The following FOXP1 variants were observed in gnomAD, a reference collection of about 807,000 sequenced individuals.
The protein encoded by FOXP1 is forkhead box P1, also known as forkhead box protein P1.
In FOXP1, 15 loss-of-function variants were observed where a neutral mutation model predicts 98.2. The ratio of observed to expected loss-of-function variants is 0.15; its 90% CI spans 0.10 to 0.24. The LOEUF is 0.24. FOXP1 is among the 10% of genes least tolerant of loss of function. The pLI is 1.00. For missense variants in FOXP1, 633 were observed against 848.5 expected (o/e 0.75, Z 3.15); for synonymous variants, 371 against 314.5 (o/e 1.18, Z -1.90).
chr3:71,253,406 A>C (rs1157119996), intron 5 of FOXP1, among the ~76,000 whole-genome samples: 2 of 151,630 alleles, frequency 1.3e-5, no homozygotes, highest in African/African-American at 4.9e-5. Flanking sequence ...AGACGTGTTT[A>C]ACTTTAGTGA....
intron 6 of FOXP1, among the ~76,000 whole-genome samples, chr3:71,167,876 A>C (rs1449066802): frequency 6.6e-6 from 1 of 152,192 alleles, no homozygotes; most frequent in Non-Finnish European, 1.5e-5. Flanking sequence ...AAAATTACTT[A>C]CTTGTAGAGC....
intron 1 of FOXP1, chr3:71,582,269 G>T (rs1477479337): frequency 2.0e-6 from 2 of 984,424 alleles, no homozygotes; most frequent in Non-Finnish European, 2.4e-6. Flanking sequence ...GTTTCCGAGC[G>T]CGACGTTGTC....
rs191639766 is a variant in FOXP1 at position 71,046,813 on chromosome 3, C to A, written c.664+129G>T. On this transcript the variant is annotated intron_variant, in intron 10 of 20. Transcript: ENST00000649528. ...ACATGGGTCCATCATTATCCCACTCCACTTTTCTTAAAAGAATCTATGTGC... is the reference window on the plus strand; with the variant it reads ...ACATGGGTCCATCATTATCCCACTCAACTTTTCTTAAAAGAATCTATGTGC... The A allele has an allele frequency of 1.9e-5, 21 of 1,127,872 alleles. No individual in the cohort carries two copies. In the East Asian group the frequency reaches 4.7e-4, roughly 25 times the overall value. 69.9% of individuals were successfully genotyped at this position (1,127,872 alleles called of 1,614,324 possible).
intron 6 of FOXP1, among the ~76,000 whole-genome samples, chr3:71,179,399 C>T (rs1178197999): frequency 6.6e-6 from 1 of 152,064 alleles, no homozygotes; most frequent in African/African-American, 2.4e-5. Context: ...TGAGCCACTA[C>T]ACAAGTCTTA....
At chr3:71,500,061 G>A (rs568263573) in intron 2 of FOXP1, among the ~76,000 whole-genome samples, 1 of 152,302 alleles carries the variant, frequency 6.6e-6, no homozygotes, top group South Asian at 2.1e-4. Flanking sequence ...AACCTCCATG[G>A]TTTGGGCAAG....
At chr3:71,029,231 G>A (rs2046532840) in intron 11 of FOXP1, among the ~76,000 whole-genome samples, 1 of 152,060 alleles carries the variant, frequency 6.6e-6, no homozygotes, top group African/African-American at 2.4e-5. Flanking sequence ...TGAAATTTAG[G>A]GCCTACTATA....
chr3:71,070,645 C>T (rs1030980074), intron 7 of FOXP1, among the ~76,000 whole-genome samples: 1 of 152,188 alleles, frequency 6.6e-6, no homozygotes, highest in Admixed American at 6.5e-5. Context: ...TCCCCTGCTA[C>T]GGGAACCCTC....
At chr3:71,150,936 T>C (rs147093036) in intron 6 of FOXP1, among the ~76,000 whole-genome samples, 2,840 of 152,258 alleles carry the variant, frequency 0.019, 103 homozygotes, top group African/African-American at 0.065. Context: ...ACTTCCTAGA[T>C]TGTAAGATAT....
At chr3:71,262,922 A>G (rs983074683) in intron 5 of FOXP1, among the ~76,000 whole-genome samples, 2 of 152,164 alleles carry the variant, frequency 1.3e-5, no homozygotes, top group African/African-American at 4.8e-5. Context: ...TGTGGGACTG[A>G]GTCTTCGGGT....
At chr3:71,211,184 C>T (rs2064430983) in intron 5 of FOXP1, among the ~76,000 whole-genome samples, 1 of 151,986 alleles carries the variant, frequency 6.6e-6, no homozygotes, top group Non-Finnish European at 1.5e-5. Context: ...TTACACTTGC[C>T]CTAACCCACA....
chr3:71,009,155 C>CGGGGGGGGGGGGGGGGGGGGGGGGG (rs10546380), intron 12 of FOXP1, among the ~76,000 whole-genome samples: 1 of 20,764 alleles, frequency 4.8e-5, no homozygotes, highest in African/African-American at 1.2e-4. Context: ...ATCATGGGGG[C>CGGGGGGGGGGGGGGGGGGGGGGGGG]GGGGGGGGGG....
chr3:71,519,290 C>T (rs1254666656), intron 2 of FOXP1, among the ~76,000 whole-genome samples: 3 of 152,148 alleles, frequency 2.0e-5, no homozygotes, highest in Non-Finnish European at 4.4e-5. Flanking sequence ...TGTGAGCAGG[C>T]AATTGCGTGA....
At chr3:71,044,158 TA>T (rs1294514915) in intron 10 of FOXP1, among the ~76,000 whole-genome samples, 3 of 152,160 alleles carry the variant, frequency 2.0e-5, no homozygotes, top group Non-Finnish European at 4.4e-5. Flanking sequence ...GATCTCATGT[TA>T]GACAGATAAA....
intron 19 of FOXP1, chr3:70,968,771 C>G (rs1406955494): frequency 1.3e-5 from 2 of 151,990 alleles, no homozygotes; most frequent in East Asian, 3.9e-4. Flanking sequence ...TTTTACTTGT[C>G]TTGAAAAATG....
At chr3:71,339,466 G>A (rs897927142) in intron 4 of FOXP1, among the ~76,000 whole-genome samples, 1 of 152,160 alleles carries the variant, frequency 6.6e-6, no homozygotes, top group Non-Finnish European at 1.5e-5. Context: ...GCTCCTGGAG[G>A]AGTCTCCTCT....
intron 2 of FOXP1, chr3:71,574,257 AG>A (rs1052588744): frequency 6.6e-6 from 1 of 152,242 alleles, no homozygotes; most frequent in African/African-American, 2.4e-5. Context: ...ATTAAAATAA[AG>A]CCACACCTAA....
At chr3:71,570,891 G>A (rs1462166511) in intron 2 of FOXP1, 1 of 152,220 alleles carries the variant, frequency 6.6e-6, no homozygotes, top group African/African-American at 2.4e-5. Context: ...GGCTGTGGCA[G>A]GGAAATGGCA....
intron 3 of FOXP1, among the ~76,000 whole-genome samples, chr3:71,403,187 T>C (rs1356179833): frequency 6.6e-6 from 1 of 152,230 alleles, no homozygotes; most frequent in Non-Finnish European, 1.5e-5. Context: ...AGTCACAAAA[T>C]CCTCATGTGT....
chr3:71,499,710 T>C (rs1051820228), intron 2 of FOXP1, among the ~76,000 whole-genome samples: 1 of 152,302 alleles, frequency 6.6e-6, no homozygotes, highest in East Asian at 1.9e-4. Flanking sequence ...ACAAACTTAG[T>C]TTCCTTTGTT....
Sources: allele counts gnomAD v4.1 joint callset (sites outside exome capture counted in the v4.1 genomes callset), GRCh38; gene constraint gnomAD v4.1.1; transcripts MANE v1.5; gene names NCBI Gene and HGNC (gene_info 2026-07-23, HGNC 2026-07-21).